The following COL20A1 variants were observed in gnomAD, a reference collection of about 807,000 sequenced individuals.
COL20A1 encodes the protein collagen alpha-1(XX) chain.
A neutral mutation model predicts 152.9 loss-of-function variants in COL20A1; 164 were observed. The observed-to-expected ratio is 1.07, with a 90% CI of 0.94 to 1.22. The LOEUF is 1.22. COL20A1 is among the 50% of genes most tolerant of loss of function. The probability of loss-of-function intolerance (pLI) is 0.00; values close to 1 mark genes in which losing one functional copy is unlikely to be tolerated. For missense variants in COL20A1, 1,873 were observed against 1,744.8 expected (o/e 1.07, Z -1.31); for synonymous variants, 864 against 756.0 (o/e 1.14, Z -2.34).
At chr20:63,307,392 G>A in intron 5 of COL20A1, 98 bp from the exon 6 acceptor site, 1 of 1,192,264 alleles carries the variant, frequency 8.4e-7, no homozygotes, top group Non-Finnish European at 1.2e-6. Context: ...GGCCCAGCCT[G>A]CCTCACTCTT....
intron 21 of COL20A1, among the ~76,000 whole-genome samples, chr20:63,318,604 CT>C (rs1292927211): frequency 2.0e-5 from 3 of 152,152 alleles, no homozygotes; most frequent in Non-Finnish European, 2.9e-5. Flanking sequence ...TGAGACTCCC[CT>C]GTGGGGTGTC....
chr20:63,317,465 TAAAAA>T (rs78678381), intron 21 of COL20A1, among the ~76,000 whole-genome samples: 6 of 114,576 alleles, frequency 5.2e-5, no homozygotes, highest in Non-Finnish European at 7.2e-5. Context: ...CTCCGTCCCT[TAAAAA>T]AAAAAAAAAA....
Position 63,313,968 on chromosome 20 carries a change from G to C in COL20A1, c.2358+77G>C, listed in dbSNP as rs570028873. 3.4e-5 allele frequency: 54 copies of C among 1,594,118 alleles called. No homozygotes were observed. The Admixed American group carries it at 6.8e-4, about 20-fold the overall frequency. On this transcript the variant is annotated intron_variant, in intron 18 of 35. Transcript: ENST00000358894. This position sits in a 1 kb window ranked among gnomAD's most constrained non-coding sequence, Gnocchi z 5.9. ...GGGGTATGGCCACACTGTCTGCGAA[G>C]GGTGGCAGCTCTGCCATGGCGGGAC...
chr20:63,305,815 G>A lies in COL20A1; in HGVS notation c.338-66G>A. 1 of 1,515,692 alleles carries A rather than the reference G, an allele frequency of 6.6e-7. No homozygotes were observed. Among genetic ancestry groups the A allele is most frequent in the Admixed American group, 1.7e-5 (1 of 59,132 alleles). 93.9% of individuals were successfully genotyped at this position (1,515,692 alleles called of 1,614,324 possible). On this transcript the variant is annotated intron_variant, in intron 4 of 35. Coordinates refer to ENST00000358894, the MANE Select transcript of COL20A1 (RefSeq NM_020882.4). The surrounding 1 kb of genome is among the most constrained non-coding windows in gnomAD (Gnocchi z 4.9). Reference sequence around the variant, plus strand: ...CAGATGCGCCCTTGAAGGGGTGTATGTGCAGCTGCCCCAGTGGACCAGGCC... The same window carrying A: ...CAGATGCGCCCTTGAAGGGGTGTATATGCAGCTGCCCCAGTGGACCAGGCC...
chr20:63,308,103 C>T lies in COL20A1; in HGVS notation c.775+13C>T, dbSNP rs749305965. 1.3e-6 allele frequency: 2 copies of T among 1,598,782 alleles called. No homozygotes were observed. Among genetic ancestry groups the T allele is most frequent in the Non-Finnish European group, 1.7e-6 (2 of 1,179,178 alleles). ...AACACGTTCACAGGTACGGCCCAGGCCTGCCCCTCCCTCTGTCCTGAGGGC... is the reference window on the plus strand; with the variant it reads ...AACACGTTCACAGGTACGGCCCAGGTCTGCCCCTCCCTCTGTCCTGAGGGC... On this transcript the variant is annotated intron_variant, in intron 7 of 35. Transcript: ENST00000358894.
intron 2 of COL20A1, 102 bp downstream of exon 2, chr20:63,295,291 C>G (rs1215188650): frequency 4.1e-6 from 3 of 738,408 alleles, no homozygotes; most frequent in Non-Finnish European, 6.8e-6. Flanking sequence ...CGTCTTCCTC[C>G]TAAGTTGAAT....
In COL20A1 at chr20:63,306,512, A is replaced by AG. The variant is rs1373579820; in HGVS notation, c.496+477dup. Among the ~76,000 whole-genome samples, 1 of 152,124 alleles carries AG rather than the reference A, an allele frequency of 6.6e-6. No homozygotes were observed. Among genetic ancestry groups the AG allele is most frequent in the Non-Finnish European group, 1.5e-5 (1 of 68,018 alleles). The stretch of plus-strand genomic sequence containing the variant: ...CAGCCTGGGTCTAGGGGGTGGTGAG[A>AG]GGGGTGGGTCATGCTCCCCCAGGAG... On this transcript the variant is annotated intron_variant, in intron 5 of 35. Coordinates refer to ENST00000358894, the MANE Select transcript of COL20A1 (RefSeq NM_020882.4). The surrounding 1 kb of genome is among the most constrained non-coding windows in gnomAD (Gnocchi z 6.9).
At position 63,305,428 on chromosome 20, in the gene COL20A1, C is replaced by G. The variant is rs1226390984; in HGVS notation, c.205C>G (p.Gln69Glu). Reference protein sequence around the residue: ...QVKPMAGDSEQEVILTTKTPK... With the variant: ...QVKPMAGDSEEEVILTTKTPK... ...CCACCCCTACCCAGGGGACTCGGAACAGGAGGTGATACTGACCACCAAGAC... is the reference window on the plus strand; with the variant it reads ...CCACCCCTACCCAGGGGACTCGGAAGAGGAGGTGATACTGACCACCAAGAC... Residue 69 changes from glutamine (Q) to glutamate (E), a missense_variant, in exon 4 of 36, where the codon CAG becomes GAG. By Grantham distance (29) the Gln-to-Glu change is conservative (BLOSUM62 2). Coordinates refer to ENST00000358894, the MANE Select transcript of COL20A1 (RefSeq NM_020882.4). The surrounding 1 kb of genome is among the most constrained non-coding windows in gnomAD (Gnocchi z 4.9). 6.4e-7 allele frequency: 1 copy of G among 1,562,522 alleles called. No individual in the cohort carries two copies. Among genetic ancestry groups the G allele is most frequent in the African/African-American group, 1.4e-5 (1 of 71,912 alleles).
Position 63,313,143 on chromosome 20 carries a change from G to T in COL20A1, c.2103G>T (p.Thr701=). Reference sequence around the variant, plus strand: ...TCTCTGTCCCAGGGAACCTCGGCACGGCCGTCCTGCCTGGCCTAGGGAGGC... The same window carrying T: ...TCTCTGTCCCAGGGAACCTCGGCACTGCCGTCCTGCCTGGCCTAGGGAGGC... ...HEISVPGNLG[T]AVLPGLGRHT... The change falls in exon 17 of 36, where the codon ACG becomes ACT. Residue 701 remains threonine, a synonymous_variant. Coordinates refer to ENST00000358894, the MANE Select transcript of COL20A1 (RefSeq NM_020882.4). The surrounding 1 kb of genome is among the most constrained non-coding windows in gnomAD (Gnocchi z 5.9). 1 of 1,611,208 alleles carries T rather than the reference G, an allele frequency of 6.2e-7. No homozygotes were observed. The highest frequency in any genetic ancestry group is 8.5e-7 in the Non-Finnish European group (1 of 1,179,274).
chr20:63,310,602 A>G, intron 11 of COL20A1, 92 bp downstream of exon 11: 5 of 1,371,220 alleles, frequency 3.6e-6, no homozygotes, highest in Non-Finnish European at 4.9e-6. Context: ...CAGCATAGCG[A>G]GCAGCTCTGG....
chr20:63,320,272 C>T lies in COL20A1; in HGVS notation c.3076-19C>T, dbSNP rs1319107733. ...GCCTCTCTGAGCCCCGGGGCTGAGC[C>T]GGCTCCCCTGCGTTGCAGTTTCAGC... On this transcript the variant is annotated intron_variant, in intron 24 of 35. Coordinates refer to ENST00000358894, the MANE Select transcript of COL20A1 (RefSeq NM_020882.4). The T allele has an allele frequency of 1.6e-5, 25 of 1,607,880 alleles. No individual in the cohort carries two copies. The highest frequency in any genetic ancestry group is 1.7e-4 in the Middle Eastern group (1 of 5,794).
At chr20:63,310,336 C>T in intron 10 of COL20A1, 45 bp from the exon 11 acceptor site, 1 of 1,602,130 alleles carries the variant, frequency 6.2e-7, no homozygotes, top group South Asian at 1.1e-5. Context: ...TCCCCATCCC[C>T]CGGCACCCCC....
At position 63,295,063 on chromosome 20, in the gene COL20A1, G is replaced by T. The variant is rs753809030; in HGVS notation, c.-10-35G>T. 1.0e-5 allele frequency: 14 copies of T among 1,377,732 alleles called. No individual in the cohort carries two copies. In the South Asian group the frequency reaches 1.6e-4, roughly 15 times the overall value. 85.3% of individuals were successfully genotyped at this position (1,377,732 alleles called of 1,614,324 possible). On this transcript the variant is annotated intron_variant, in intron 1 of 35. Transcript: ENST00000358894. ...TGGTCAGGGAGAGGACAGACGGGGG[G>T]ACGGCTGAAGGGCATGGCCTCTTCC...
rs756878552 is a variant in COL20A1, at chr20:63,305,519, C to T, written c.296C>T (p.Thr99Ile). The T allele has an allele frequency of 9.3e-6, 15 of 1,607,494 alleles. No individual in the cohort carries two copies. The Admixed American group carries it at 2.4e-4, about 25-fold the overall frequency. The change falls in exon 4 of 36, where the codon ACT (threonine) becomes ATT (isoleucine). Residue 99 changes from threonine to isoleucine, a missense_variant. Transcript: ENST00000358894. This position sits in a 1 kb window ranked among gnomAD's most constrained non-coding sequence, Gnocchi z 4.9. ...TACACCTTGCAGATCTTCGAGCTCACTGGCTCTGGGCGCTTCCTGCTAGCT... is the reference window on the plus strand; with the variant it reads ...TACACCTTGCAGATCTTCGAGCTCATTGGCTCTGGGCGCTTCCTGCTAGCT... ...KGYTLQIFELTGSGRFLLARR... is the reference protein window; with the variant it reads ...KGYTLQIFELIGSGRFLLARR...
At position 63,334,801 on chromosome 20, in the gene COL20A1, T is replaced by G. The variant is rs887299205; in HGVS notation, c.*4085T>G. On this transcript the variant is annotated 3_prime_UTR_variant, in exon 36 of 36. Coordinates refer to ENST00000358894, the MANE Select transcript of COL20A1 (RefSeq NM_020882.4). Reference sequence around the variant, plus strand: ...AAATAAACCCTGAAGCAGTGTGCATTCATTAGTACTGTGTTTGCCTGTATT... The same window carrying G: ...AAATAAACCCTGAAGCAGTGTGCATGCATTAGTACTGTGTTTGCCTGTATT... 1 of 152,222 alleles carries G rather than the reference T, an allele frequency of 6.6e-6. No homozygotes were observed. Among genetic ancestry groups the G allele is most frequent in the Non-Finnish European group, 1.5e-5 (1 of 68,040 alleles). 9.4% of individuals were successfully genotyped at this position (152,222 alleles called of 1,614,324 possible). A position where few individuals can be genotyped will look rare whatever the true frequency, so the allele number is the denominator to read the frequency against.
In COL20A1 at chr20:63,310,515, G is replaced by A; in HGVS notation, c.1393+5G>A. The stretch of plus-strand genomic sequence containing the variant: ...TGCGGGGCCTGGTGACCACAGGTAG[G>A]TGGGGCAGAGGCAGCGGCCAGGTTC... On this transcript the variant is annotated splice_donor_5th_base_variant and intron_variant, in intron 11 of 35. Transcript: ENST00000358894. 6.3e-7 allele frequency: 1 copy of A among 1,588,138 alleles called. No homozygotes were observed. The highest frequency in any genetic ancestry group is 1.1e-5 in the South Asian group (1 of 87,170).
intron 31 of COL20A1, chr20:63,327,697 G>A (rs928632498): frequency 9.0e-5 from 51 of 563,622 alleles, no homozygotes; most frequent in Middle Eastern, 9.6e-4. Context: ...TACAGCCAGA[G>A]GCAAGTCCTT....
Position 63,326,813 on chromosome 20 carries a change from TG to T in COL20A1, c.3522del (p.Thr1176GlnfsTer26). 1 of 1,501,638 alleles carries T rather than the reference TG, an allele frequency of 6.7e-7. No individual in the cohort carries two copies. Among genetic ancestry groups the T allele is most frequent in the South Asian group, 1.4e-5 (1 of 72,662 alleles). The allele number at this position is 1,501,638 out of a possible 1,614,324, so 93.0% of individuals were successfully genotyped here. On this transcript the variant is annotated frameshift_variant, in exon 31 of 36. Transcript: ENST00000358894. LOFTEE classifies it high-confidence loss of function. The stretch of plus-strand genomic sequence containing the variant: ...GGAGAGCGAGGACCTCCAGGGACCG[TG>T]GGGCCCACAGTAAGTGCATTTCCAA... Reference protein sequence around the residue: ...TSGERGPPGTVGPTGLPGPKG... With the variant: ...TSGERGPPGTXGPTGLPGPKG...
At position 63,328,409 on chromosome 20, in the gene COL20A1, G is replaced by T; in HGVS notation, c.3692G>T (p.Gly1231Val). The change falls in exon 34 of 36, where the codon GGC becomes GTC. Residue 1231 changes from glycine (G) to valine (V), a missense_variant. Physicochemically the swap from Gly to Val is moderately radical, Grantham distance 109. Coordinates refer to ENST00000358894, the MANE Select transcript of COL20A1 (RefSeq NM_020882.4). ...MPILEQKLEP[G>V]TEPLGSPGTR... Reference sequence around the variant, plus strand: ...ATCTTGGAGCAGAAGCTGGAGCCGGGCACTGAGCCCCTGGGGTCCCCTGGC... The same window carrying T: ...ATCTTGGAGCAGAAGCTGGAGCCGGTCACTGAGCCCCTGGGGTCCCCTGGC... The T allele has an allele frequency of 6.2e-7, 1 of 1,612,550 alleles. No individual in the cohort carries two copies. Among genetic ancestry groups the T allele is most frequent in the Non-Finnish European group, 8.5e-7 (1 of 1,179,642 alleles).
Sources: allele counts gnomAD v4.1 joint callset (sites outside exome capture counted in the v4.1 genomes callset), GRCh38; gene constraint gnomAD v4.1.1; non-coding constraint Gnocchi (gnomAD v3.1); transcripts MANE v1.5; gene names NCBI Gene and HGNC (gene_info 2026-07-23, HGNC 2026-07-21).